The following CNTNAP2 variants were observed in gnomAD, a reference collection of about 807,000 sequenced individuals.
CNTNAP2 encodes contactin-associated protein-like 2.
A neutral mutation model predicts 155.2 loss-of-function variants in CNTNAP2; 98 were observed. The ratio of observed to expected loss-of-function variants is 0.63; its 90% CI spans 0.54 to 0.75. CNTNAP2 has a LOEUF of 0.75. Among genes scored for constraint, CNTNAP2 ranks in the 30% least tolerant of loss-of-function variants. The probability of loss-of-function intolerance (pLI) is 0.00; values close to 1 mark genes in which losing one functional copy is unlikely to be tolerated. For missense variants in CNTNAP2, 1,727 were observed against 1,688.1 expected, an observed-to-expected ratio of 1.02 and a Z score of -0.40; for synonymous variants, 651 against 631.2, an observed-to-expected ratio of 1.03 and a Z score of -0.47.
chr7:147,687,651 C>A (rs1351472436), intron 13 of CNTNAP2, among the ~76,000 whole-genome samples: 2 of 152,042 alleles, frequency 1.3e-5, no homozygotes, highest in South Asian at 2.1e-4. Flanking sequence ...GTAATTTAAC[C>A]ATTGTATAGA....
At chr7:146,912,362 A>G (rs1796301246) in intron 3 of CNTNAP2, among the ~76,000 whole-genome samples, 1 of 151,766 alleles carries the variant, frequency 6.6e-6, no homozygotes, top group African/African-American at 2.4e-5. Context: ...ATGCATACTA[A>G]TAAAGTCATC....
intron 2 of CNTNAP2, among the ~76,000 whole-genome samples, chr7:146,791,039 T>G (rs116441506): frequency 0.013 from 2,001 of 152,032 alleles, 43 homozygotes; most frequent in African/African-American, 0.046. Flanking sequence ...TTATCTACAA[T>G]AGATGTTTCT....
chr7:146,971,337 T>C (rs1040857286), intron 3 of CNTNAP2, among the ~76,000 whole-genome samples: 2 of 152,198 alleles, frequency 1.3e-5, no homozygotes, highest in Non-Finnish European at 2.9e-5. Context: ...AAACATCTAT[T>C]GTGTACTAAA....
At chr7:147,204,307 C>T (rs190014621) in intron 8 of CNTNAP2, among the ~76,000 whole-genome samples, 141 of 152,020 alleles carry the variant, frequency 9.3e-4, no homozygotes, top group Non-Finnish European at 1.6e-3. Context: ...AAAAATGTTG[C>T]ATTTAAATTG....
intron 2 of CNTNAP2, among the ~76,000 whole-genome samples, chr7:146,797,573 G>A (rs1209386612): frequency 6.6e-6 from 1 of 152,176 alleles, no homozygotes; most frequent in Non-Finnish European, 1.5e-5. Flanking sequence ...GAAAAATGTT[G>A]ATGGATTTAA....
chr7:148,127,818 T>C (rs1245462715), intron 16 of CNTNAP2, among the ~76,000 whole-genome samples: 1 of 152,350 alleles, frequency 6.6e-6, no homozygotes, highest in South Asian at 2.1e-4. Context: ...TAAAAAATAT[T>C]GTGTTTTTTA....
chr7:146,742,135 G>A (rs963362039), intron 1 of CNTNAP2, among the ~76,000 whole-genome samples: 2 of 148,736 alleles, frequency 1.3e-5, no homozygotes, highest in Non-Finnish European at 3.0e-5. Context: ...TGGCATTTTT[G>A]TCCATCTGCC....
chr7:147,860,725 G>T (rs781378295), intron 13 of CNTNAP2, among the ~76,000 whole-genome samples: 2 of 152,096 alleles, frequency 1.3e-5, no homozygotes, highest in African/African-American at 2.4e-5. Flanking sequence ...CAGCCATGAG[G>T]AACTGGGAGT....
intron 1 of CNTNAP2, among the ~76,000 whole-genome samples, chr7:146,611,608 G>C (rs445561): frequency 0.62 from 93,879 of 151,996 alleles, 29,817 homozygotes; most frequent in African/African-American, 0.7. Context: ...TTAAGAGACT[G>C]TATCTACAAA....
chr7:147,054,100 T>C (rs1216370130), intron 4 of CNTNAP2, among the ~76,000 whole-genome samples: 3 of 152,162 alleles, frequency 2.0e-5, no homozygotes, highest in African/African-American at 7.2e-5. Context: ...TTCATTCTTC[T>C]TTGTTTCTTC....
intron 9 of CNTNAP2, among the ~76,000 whole-genome samples, chr7:147,348,684 A>G (rs913423450): frequency 8.5e-5 from 13 of 152,080 alleles, no homozygotes; most frequent in Non-Finnish European, 1.5e-4. Flanking sequence ...GCAAAGAGAT[A>G]TCTACACCCC....
intron 8 of CNTNAP2, among the ~76,000 whole-genome samples, chr7:147,178,024 G>T (rs1341747422): frequency 6.6e-6 from 1 of 152,052 alleles, no homozygotes; most frequent in Non-Finnish European, 1.5e-5. Context: ...AACTCTATCT[G>T]TGGAAGGCAG....
intron 1 of CNTNAP2, among the ~76,000 whole-genome samples, chr7:146,297,120 T>C (rs1022095309): frequency 6.6e-6 from 1 of 152,130 alleles, no homozygotes; most frequent in African/African-American, 2.4e-5. Context: ...AATTTTTTTC[T>C]TGAATGATTG....
At chr7:147,148,384 C>T (rs1306873785) in intron 8 of CNTNAP2, among the ~76,000 whole-genome samples, 2 of 118,814 alleles carry the variant, frequency 1.7e-5, no homozygotes, top group Non-Finnish European at 3.4e-5. Context: ...AGCGAGACTC[C>T]GTCTCAAAAA....
chr7:147,640,357 G>A (rs934135825), intron 13 of CNTNAP2, among the ~76,000 whole-genome samples: 2 of 152,046 alleles, frequency 1.3e-5, no homozygotes, highest in African/African-American at 2.4e-5. Context: ...AGTTTCCAGC[G>A]ACTTTTTCTG....
At chr7:146,250,389 G>A (rs1481887160) in intron 1 of CNTNAP2, among the ~76,000 whole-genome samples, 1 of 152,176 alleles carries the variant, frequency 6.6e-6, no homozygotes, top group Non-Finnish European at 1.5e-5. Flanking sequence ...CCACTGCACT[G>A]ACCTTTAGCC....
At chr7:146,850,788 A>AT (rs1037578213) in intron 3 of CNTNAP2, among the ~76,000 whole-genome samples, 17 of 151,022 alleles carry the variant, frequency 1.1e-4, no homozygotes, top group African/African-American at 4.2e-4. Context: ...ACAAATAAAA[A>AT]TAAAAAAAAC....
chr7:146,712,936 T>C (rs1801124087), intron 1 of CNTNAP2, among the ~76,000 whole-genome samples: 2 of 151,924 alleles, frequency 1.3e-5, no homozygotes, highest in South Asian at 4.1e-4. Flanking sequence ...ATACACACAT[T>C]CCCTTAATGT....
At chr7:147,565,698 C>T (rs1800157390) in intron 12 of CNTNAP2, among the ~76,000 whole-genome samples, 1 of 152,154 alleles carries the variant, frequency 6.6e-6, no homozygotes, top group Non-Finnish European at 1.5e-5. Context: ...AACTTCTCAA[C>T]ATATGGACTG....
Sources: allele counts gnomAD v4.1 joint callset (sites outside exome capture counted in the v4.1 genomes callset), GRCh38; gene constraint gnomAD v4.1.1; transcripts MANE v1.5; gene names NCBI Gene and HGNC (gene_info 2026-07-23, HGNC 2026-07-21).